The following CSMD1 variants were observed in gnomAD, a reference collection of about 807,000 sequenced individuals.
The protein encoded by CSMD1 is CUB and Sushi multiple domains 1.
A neutral mutation model predicts 417.5 loss-of-function variants in CSMD1; 213 were observed. The ratio of observed to expected loss-of-function variants is 0.51; its 90% CI spans 0.46 to 0.57. The LOEUF (loss-of-function observed/expected upper bound fraction) is 0.57, where lower values mean the gene tolerates loss of function less well. Among genes scored for constraint, CSMD1 ranks in the 20% least tolerant of loss-of-function variants. CSMD1 has a pLI of 0.00. For missense variants in CSMD1, 6,923 were observed against 4,529.7 expected (o/e 1.53, Z -15.17); for synonymous variants, 2,862 against 1,736.8 (o/e 1.65, Z -16.11).
chr8:3,379,921 G>T (rs1414179988), intron 18 of CSMD1, among the ~76,000 whole-genome samples: 2 of 152,140 alleles, frequency 1.3e-5, no homozygotes, highest in African/African-American at 2.4e-5. Context: ...AAGAGCTTCT[G>T]CACTGCAAAA....
intron 7 of CSMD1, among the ~76,000 whole-genome samples, chr8:3,654,499 T>TA (rs1798007218): frequency 6.6e-6 from 1 of 152,200 alleles, no homozygotes; most frequent in Admixed American, 6.5e-5. Flanking sequence ...AGAGGAGAGA[T>TA]ACCTAAATCC....
chr8:3,352,781 AG>A (rs773482479), intron 21 of CSMD1, among the ~76,000 whole-genome samples: 16 of 152,238 alleles, frequency 1.1e-4, no homozygotes, highest in Non-Finnish European at 1.9e-4. Context: ...TGGAGGTTGC[AG>A]TGAACCAAGA....
intron 49 of CSMD1, among the ~76,000 whole-genome samples, chr8:3,086,610 A>C (rs1404144258): frequency 1.3e-5 from 2 of 152,206 alleles, no homozygotes; most frequent in Non-Finnish European, 2.9e-5. Flanking sequence ...ATTTTTATGC[A>C]CATGATAGAT....
intron 3 of CSMD1, among the ~76,000 whole-genome samples, chr8:4,397,982 G>C (rs1228151855): frequency 6.6e-6 from 1 of 152,130 alleles, no homozygotes. Flanking sequence ...AAAAGACTTA[G>C]ATGATTTTTA....
At chr8:3,503,839 C>T (rs193014060) in intron 10 of CSMD1, among the ~76,000 whole-genome samples, 1 of 145,954 alleles carries the variant, frequency 6.9e-6, no homozygotes, top group African/African-American at 2.6e-5. Flanking sequence ...CCTTGCCCCC[C>T]CCCAACCCCC....
chr8:3,860,059 G>A (rs1804592042), intron 5 of CSMD1, among the ~76,000 whole-genome samples: 1 of 151,984 alleles, frequency 6.6e-6, no homozygotes, highest in Non-Finnish European at 1.5e-5. Context: ...CTTGCGCTTT[G>A]CAGTATGGTT....
chr8:3,616,847 T>C (rs1436537694), intron 7 of CSMD1, 50 bp from the exon 8 acceptor site: 4 of 1,309,576 alleles, frequency 3.1e-6, no homozygotes, highest in Non-Finnish European at 3.2e-6. Context: ...ATTGAGGAAA[T>C]ACCCAGATAA....
chr8:3,432,799 C>G (rs1814301877), intron 12 of CSMD1, among the ~76,000 whole-genome samples: 2 of 152,286 alleles, frequency 1.3e-5, no homozygotes, highest in South Asian at 4.1e-4. Flanking sequence ...CAGGCATGAG[C>G]CACTACACAT....
At chr8:3,478,888 T>C (rs1817578311) in intron 11 of CSMD1, among the ~76,000 whole-genome samples, 1 of 152,080 alleles carries the variant, frequency 6.6e-6, no homozygotes, top group South Asian at 2.1e-4. Flanking sequence ...TTCGTCCCAG[T>C]AGGTGTGAGA....
At chr8:3,889,797 A>G (rs1244933596) in intron 5 of CSMD1, among the ~76,000 whole-genome samples, 1 of 151,992 alleles carries the variant, frequency 6.6e-6, no homozygotes, top group African/African-American at 2.4e-5. Flanking sequence ...GGTATCCCAT[A>G]CTCTTCTGTT....
chr8:3,710,819 CTA>C (rs1198117128), intron 6 of CSMD1, among the ~76,000 whole-genome samples: 2 of 152,142 alleles, frequency 1.3e-5, no homozygotes, highest in East Asian at 1.9e-4. Context: ...ACAGGGAAGA[CTA>C]TGCAGAATTT....
intron 3 of CSMD1, among the ~76,000 whole-genome samples, chr8:4,210,190 C>G (rs1003227251): frequency 6.6e-6 from 1 of 152,212 alleles, no homozygotes; most frequent in Non-Finnish European, 1.5e-5. Flanking sequence ...TCTGTGGGAG[C>G]TCCTTCACTC....
intron 1 of CSMD1, among the ~76,000 whole-genome samples, chr8:4,735,224 G>A (rs902681374): frequency 1.3e-5 from 2 of 152,116 alleles, no homozygotes; most frequent in Non-Finnish European, 2.9e-5. Flanking sequence ...TACCAAATGC[G>A]AGAGGATACT....
At chr8:2,983,905 A>G (rs1369081533) in intron 54 of CSMD1, among the ~76,000 whole-genome samples, 1 of 152,246 alleles carries the variant, frequency 6.6e-6, no homozygotes, top group African/African-American at 2.4e-5. Context: ...CTGTCAGATT[A>G]AACTTTAAAA....
intron 1 of CSMD1, among the ~76,000 whole-genome samples, chr8:4,903,138 CTTAT>C (rs1247114529): frequency 6.6e-6 from 1 of 152,120 alleles, no homozygotes; most frequent in Non-Finnish European, 1.5e-5. Flanking sequence ...TCTTTGTACT[CTTAT>C]TTAATCTTGA....
intron 6 of CSMD1, among the ~76,000 whole-genome samples, chr8:3,720,943 C>A (rs534843526): frequency 2.6e-5 from 4 of 152,002 alleles, no homozygotes; most frequent in Non-Finnish European, 5.9e-5. Flanking sequence ...AGCCTCCCAA[C>A]TAGCTGGGAT....
intron 51 of CSMD1, among the ~76,000 whole-genome samples, chr8:3,028,499 TG>T (rs1314963286): frequency 3.9e-5 from 6 of 152,190 alleles, no homozygotes; most frequent in African/African-American, 1.4e-4. Flanking sequence ...ACGGGGACCA[TG>T]TTCATTACGA....
chr8:4,864,141 A>G (rs185840115), intron 1 of CSMD1, among the ~76,000 whole-genome samples: 82 of 152,048 alleles, frequency 5.4e-4, no homozygotes, highest in African/African-American at 1.9e-3. Context: ...TTTTTATTAA[A>G]TTGATCACTT....
intron 1 of CSMD1, among the ~76,000 whole-genome samples, chr8:4,662,800 G>C (rs990496293): frequency 2.6e-5 from 4 of 152,136 alleles, no homozygotes; most frequent in Non-Finnish European, 4.4e-5. Flanking sequence ...TTCAAGCTCA[G>C]GTGACAAACG....
Sources: gnomAD v4.1 joint callset for allele counts (sites outside exome capture counted in the v4.1 genomes callset) on GRCh38, gnomAD v4.1.1 for gene constraint, MANE v1.5 for transcripts, NCBI Gene and HGNC (gene_info 2026-07-23, HGNC 2026-07-21) for gene names.